DIXDC1: variants seen among roughly 807,000 people sequenced by gnomAD.
DIXDC1 encodes dixin.
In DIXDC1, 64 loss-of-function variants were observed where a neutral mutation model predicts 103.1. That is an observed-to-expected ratio of 0.62 (90% CI 0.51 to 0.76). The LOEUF (loss-of-function observed/expected upper bound fraction) is 0.76, where lower values mean the gene tolerates loss of function less well. Among genes scored for constraint, DIXDC1 ranks in the 30% least tolerant of loss-of-function variants. DIXDC1 has a pLI of 0.00. For missense variants in DIXDC1, 759 were observed against 834.2 expected (o/e 0.91, Z 1.11); for synonymous variants, 266 against 298.5 (o/e 0.89, Z 1.12).
intron 2 of DIXDC1, among the ~76,000 whole-genome samples, chr11:111,967,001 C>G (rs1171707805): frequency 3.3e-5 from 5 of 152,222 alleles, no homozygotes; most frequent in Non-Finnish European, 2.9e-5. Flanking sequence ...ACTTTCTTTA[C>G]TTGGCTTCCA....
intron 1 of DIXDC1, among the ~76,000 whole-genome samples, chr11:111,941,749 T>A (rs1966422100): frequency 6.6e-6 from 1 of 151,254 alleles, no homozygotes; most frequent in African/African-American, 2.4e-5. Context: ...GCCCAGGAGG[T>A]TGAGGCTGCA....
intron 1 of DIXDC1, among the ~76,000 whole-genome samples, chr11:111,947,598 T>G (rs1449349229): frequency 6.6e-6 from 1 of 152,204 alleles, no homozygotes; most frequent in Non-Finnish European, 1.5e-5. Flanking sequence ...TACAGATATC[T>G]TCAGGTCAAA....
chr11:111,953,618 CAG>C (rs1438350258), intron 1 of DIXDC1, among the ~76,000 whole-genome samples: 2 of 152,166 alleles, frequency 1.3e-5, no homozygotes, highest in African/African-American at 4.8e-5. Flanking sequence ...AGCTTGGAGA[CAG>C]AGCGATACTC....
At chr11:111,990,592 G>A (rs1860677486) in intron 10 of DIXDC1, among the ~76,000 whole-genome samples, 1 of 152,014 alleles carries the variant, frequency 6.6e-6, no homozygotes, top group African/African-American at 2.4e-5. Context: ...GTATTCCATT[G>A]TATTCCACTG....
intron 1 of DIXDC1, among the ~76,000 whole-genome samples, chr11:111,953,579 A>G (rs1555170285): frequency 6.6e-6 from 1 of 152,200 alleles, no homozygotes; most frequent in African/African-American, 2.4e-5. Flanking sequence ...TGGAGGTTGT[A>G]GTGAGCCAAG....
chr11:111,934,830 A>G (rs1966143576), upstream of DIXDC1, among the ~76,000 whole-genome samples: 1 of 152,228 alleles, frequency 6.6e-6, no homozygotes, highest in African/African-American at 2.4e-5. Context: ...AAAATAGTAT[A>G]ATTTTTGGAA....
At position 111,989,064 on chromosome 11, in the gene DIXDC1, G is replaced by C; in HGVS notation, c.1113+9G>C. ...ACTTACAGGGGATAAAGGTAAAAAA[G>C]AAGACATTTAATTCTTTAAATAAAG... On this transcript the variant is annotated intron_variant, in intron 10 of 19. Transcript: ENST00000440460. 1 of 1,597,848 alleles carries C rather than the reference G, an allele frequency of 6.3e-7. No individual in the cohort carries two copies. Among genetic ancestry groups the C allele is most frequent in the Non-Finnish European group, 8.5e-7 (1 of 1,174,016 alleles).
exon 1 of DIXDC1, chr11:111,927,348 G>A (rs1278979003): frequency 6.6e-6 from 1 of 152,452 alleles, no homozygotes; most frequent in Non-Finnish European, 1.5e-5. Flanking sequence ...GGAGGGCTGG[G>A]GACAGAGATG....
chr11:111,977,528 G>A lies in DIXDC1; in HGVS notation c.656+2545G>A, dbSNP rs1223957841. On this transcript the variant is annotated intron_variant, in intron 5 of 19. Coordinates refer to ENST00000440460, the MANE Select transcript of DIXDC1 (RefSeq NM_001037954.4). This position sits in a 1 kb window ranked among gnomAD's most constrained non-coding sequence, Gnocchi z 6.1. Reference sequence around the variant, plus strand: ...GGCCGGGCTGCTGCACAGTCTGAGCGGCCGGGACTGCGCGCTTCAGAGCCT... The same window carrying A: ...GGCCGGGCTGCTGCACAGTCTGAGCAGCCGGGACTGCGCGCTTCAGAGCCT... 7.0e-7 allele frequency: 1 copy of A among 1,421,230 alleles called. No homozygotes were observed. The highest frequency in any genetic ancestry group is 9.2e-7 in the Non-Finnish European group (1 of 1,089,634). The allele number at this position is 1,421,230 out of a possible 1,614,324, so 88.0% of individuals were successfully genotyped here. A position where few individuals can be genotyped will look rare whatever the true frequency, so the allele number is the denominator to read the frequency against.
chr11:111,929,190 A>G lies in DIXDC1; in HGVS notation c.-36-628A>G, dbSNP rs1316551918. Among the ~76,000 whole-genome samples, 8 of 152,296 alleles carry G rather than the reference A, an allele frequency of 5.3e-5. No homozygotes were observed. The East Asian group carries it at 1.4e-3, about 26-fold the overall frequency. ...CAAGATTCTGTCCCCCCAACAAAAAAAAGAATTACACATGTTGCCTCTCTG... is the reference window on the plus strand; with the variant it reads ...CAAGATTCTGTCCCCCCAACAAAAAGAAGAATTACACATGTTGCCTCTCTG... On this transcript the variant is annotated intron_variant, in intron 1 of 5. Coordinates refer to the DIXDC1 transcript ENST00000529225.
At chr11:111,953,294 GCT>G (rs1436524226) in intron 1 of DIXDC1, among the ~76,000 whole-genome samples, 1 of 152,076 alleles carries the variant, frequency 6.6e-6, no homozygotes, top group Non-Finnish European at 1.5e-5. Flanking sequence ...TTTTTGAATA[GCT>G]CTTTCAGGAC....
At chr11:111,954,574 A>G (rs1288363947) in intron 1 of DIXDC1, among the ~76,000 whole-genome samples, 1 of 152,230 alleles carries the variant, frequency 6.6e-6, no homozygotes, top group East Asian at 1.9e-4. Flanking sequence ...ATGCCATTTT[A>G]TATCAGACAG....
chr11:112,011,071 T>C (rs1254254745), intron 17 of DIXDC1, among the ~76,000 whole-genome samples: 1 of 152,078 alleles, frequency 6.6e-6, no homozygotes, highest in Non-Finnish European at 1.5e-5. Flanking sequence ...AGGGCTAATA[T>C]CTAGAGTCTA....
intron 17 of DIXDC1, among the ~76,000 whole-genome samples, chr11:112,007,048 A>G (rs587622576): frequency 6.6e-6 from 1 of 152,350 alleles, no homozygotes; most frequent in Non-Finnish European, 1.5e-5. Context: ...CAAGGAAGCT[A>G]GAAACCTTGA....
chr11:111,936,092 A>G (rs587759223), upstream of DIXDC1, among the ~76,000 whole-genome samples: 483 of 152,340 alleles, frequency 3.2e-3, 3 homozygotes, highest in African/African-American at 0.011. Context: ...GGATTTGAGG[A>G]GGAATCTGGG....
intron 11 of DIXDC1, 147 bp downstream of exon 11, chr11:111,992,666 A>G (rs782573189): frequency 5.0e-5 from 38 of 752,574 alleles, no homozygotes; most frequent in Admixed American, 1.6e-4. Context: ...TTTATTCCCC[A>G]TTAGACTCAT....
At chr11:111,929,819 T>A in exon 2 of DIXDC1, 10 of 1,493,268 alleles carry the variant, frequency 6.7e-6, no homozygotes, top group Non-Finnish European at 9.0e-6. Context: ...CTGTTTTAGA[T>A]GGCCCTGATT....
chr11:111,928,992 A>G (rs1222649204), intron 1 of DIXDC1, among the ~76,000 whole-genome samples: 2 of 152,240 alleles, frequency 1.3e-5, no homozygotes, highest in African/African-American at 2.4e-5. Flanking sequence ...CCTGGCCAAC[A>G]TGGTGAAACC....
intron 17 of DIXDC1, among the ~76,000 whole-genome samples, chr11:112,001,493 A>C (rs1861064159): frequency 6.6e-6 from 1 of 152,220 alleles, no homozygotes; most frequent in African/African-American, 2.4e-5. Context: ...TTTTGTAAAA[A>C]ATAGCAGTTC....
Sources: gnomAD v4.1 joint callset for allele counts (sites outside exome capture counted in the v4.1 genomes callset) on GRCh38, gnomAD v4.1.1 for gene constraint, Gnocchi (gnomAD v3.1) non-coding constraint, MANE v1.5 for transcripts, NCBI Gene and HGNC (gene_info 2026-07-23, HGNC 2026-07-21) for gene names.